The following IMMP2L variants were observed in gnomAD, a reference collection of about 807,000 sequenced individuals.
The protein encoded by IMMP2L is inner mitochondrial membrane peptidase subunit 2.
A neutral mutation model predicts 19.3 loss-of-function variants in IMMP2L; 18 were observed. That is an observed-to-expected ratio of 0.93 (90% CI 0.64 to 1.38). The LOEUF (loss-of-function observed/expected upper bound fraction) is 1.38. IMMP2L is among the 40% of genes most tolerant of loss of function. The pLI, the probability that IMMP2L is intolerant of heterozygous loss-of-function variation, is 0.00. For synonymous variants in IMMP2L, 76 were observed against 73.0 expected (o/e 1.04, Z -0.21); for missense variants, 233 against 218.2 (o/e 1.07, Z -0.43).
chr7:111,057,032 A>T (rs938497818), intron 3 of IMMP2L, among the ~76,000 whole-genome samples: 2 of 152,226 alleles, frequency 1.3e-5, no homozygotes, highest in Admixed American at 1.3e-4. Flanking sequence ...ATTACCTTGG[A>T]AACTTTCATT....
At chr7:111,545,094 A>C (rs1848803717) in intron 1 of IMMP2L, among the ~76,000 whole-genome samples, 1 of 152,116 alleles carries the variant, frequency 6.6e-6, no homozygotes, top group Non-Finnish European at 1.5e-5. Flanking sequence ...AAAGGACAAC[A>C]TATTTTACAA....
chr7:110,813,388 T>C (rs1403567085), intron 5 of IMMP2L, among the ~76,000 whole-genome samples: 1 of 151,922 alleles, frequency 6.6e-6, no homozygotes, highest in Non-Finnish European at 1.5e-5. Flanking sequence ...TAATTGTCTG[T>C]GGGTTAAGAA....
chr7:111,217,998 C>G (rs1225644675), intron 3 of IMMP2L, among the ~76,000 whole-genome samples: 1 of 151,950 alleles, frequency 6.6e-6, no homozygotes, highest in Middle Eastern at 3.2e-3. Flanking sequence ...AAATAATGAG[C>G]TACGGAAAAT....
intron 1 of IMMP2L, among the ~76,000 whole-genome samples, chr7:111,557,499 A>G (rs1372661583): frequency 6.6e-6 from 1 of 152,148 alleles, no homozygotes; most frequent in Non-Finnish European, 1.5e-5. Context: ...TCATGCTGTT[A>G]GCTTTACCTA....
At chr7:111,544,999 A>G (rs572716687) in intron 1 of IMMP2L, among the ~76,000 whole-genome samples, 39 of 152,256 alleles carry the variant, frequency 2.6e-4, no homozygotes, top group Non-Finnish European at 5.1e-4. Flanking sequence ...TGAGAGAAGC[A>G]GAATAAGACA....
In IMMP2L at chr7:111,123,325, G is replaced by C. The variant is rs773818533; in HGVS notation, c.240-159760C>G. Reference sequence around the variant, plus strand: ...GCAGATGATCAACAGTAAGTGGTTTGATGCTCTTCCAAATCTAGAGATTCT... The same window carrying C: ...GCAGATGATCAACAGTAAGTGGTTTCATGCTCTTCCAAATCTAGAGATTCT... On this transcript the variant is annotated intron_variant, in intron 3 of 5. Coordinates refer to ENST00000405709, the MANE Select transcript of IMMP2L (RefSeq NM_032549.4). The surrounding 1 kb of genome is among the most constrained non-coding windows in gnomAD (Gnocchi z 6.4). The C allele has an allele frequency of 6.2e-7, 1 of 1,613,630 alleles. No homozygotes were observed. Among genetic ancestry groups the C allele is most frequent in the Non-Finnish European group, 8.5e-7 (1 of 1,179,920 alleles).
At chr7:111,366,808 A>G (rs1021207145) in intron 3 of IMMP2L, among the ~76,000 whole-genome samples, 6 of 152,014 alleles carry the variant, frequency 3.9e-5, no homozygotes, top group African/African-American at 1.4e-4. Context: ...TTTCATAAAT[A>G]CATTCATTGT....
chr7:111,090,500 A>G (rs1012701421), intron 3 of IMMP2L, among the ~76,000 whole-genome samples: 1 of 152,130 alleles, frequency 6.6e-6, no homozygotes, highest in African/African-American at 2.4e-5. Flanking sequence ...AATTAGAAAT[A>G]CATATTTTTA....
chr7:110,821,304 A>G (rs1042208226), intron 5 of IMMP2L, among the ~76,000 whole-genome samples: 4 of 152,140 alleles, frequency 2.6e-5, no homozygotes, highest in Admixed American at 2.0e-4. Context: ...ATTACACAGC[A>G]CTACAATAAA....
chr7:111,440,527 A>G (rs1040561947), intron 3 of IMMP2L, among the ~76,000 whole-genome samples: 1 of 151,926 alleles, frequency 6.6e-6, no homozygotes, highest in East Asian at 1.9e-4. Context: ...GAATGAGCCT[A>G]AAATATTCCA....
chr7:110,676,168 G>A (rs1792281741), intron 5 of IMMP2L, among the ~76,000 whole-genome samples: 1 of 152,196 alleles, frequency 6.6e-6, no homozygotes, highest in African/African-American at 2.4e-5. Flanking sequence ...TGTTTCTTCT[G>A]TGATGTTATG....
At chr7:111,557,296 G>T (rs1791478321) in intron 1 of IMMP2L, among the ~76,000 whole-genome samples, 1 of 152,052 alleles carries the variant, frequency 6.6e-6, no homozygotes, top group African/African-American at 2.4e-5. Flanking sequence ...CAATTCTTCA[G>T]TGGCTCACTA....
At chr7:111,438,207 T>C (rs1837374437) in intron 3 of IMMP2L, among the ~76,000 whole-genome samples, 1 of 151,874 alleles carries the variant, frequency 6.6e-6, no homozygotes, top group Non-Finnish European at 1.5e-5. Context: ...CCAAAAATAC[T>C]AAATTGTTTA....
intron 5 of IMMP2L, among the ~76,000 whole-genome samples, chr7:110,684,856 C>G (rs1792999292): frequency 6.6e-6 from 1 of 152,050 alleles, no homozygotes. Context: ...CCTGCCCTGC[C>G]TATGGATGAA....
At chr7:110,764,675 G>A (rs1483063642) in intron 5 of IMMP2L, among the ~76,000 whole-genome samples, 2 of 152,140 alleles carry the variant, frequency 1.3e-5, no homozygotes, top group African/African-American at 4.8e-5. Context: ...CCAAATGTAG[G>A]ATAATGAATA....
chr7:110,890,244 T>C, intron 4 of IMMP2L, among the ~76,000 whole-genome samples: 1 of 152,210 alleles, frequency 6.6e-6, no homozygotes, highest in East Asian at 1.9e-4. Context: ...GTGTTCTGCA[T>C]ATTCAAATAT....
intron 3 of IMMP2L, among the ~76,000 whole-genome samples, chr7:111,031,916 C>A (rs1016212676): frequency 6.7e-6 from 1 of 149,408 alleles, no homozygotes; most frequent in African/African-American, 2.5e-5. Context: ...GCCGCTATGA[C>A]CATGAAAAAC....
chr7:111,552,369 C>T (rs1266034161), intron 1 of IMMP2L, among the ~76,000 whole-genome samples: 2 of 152,166 alleles, frequency 1.3e-5, no homozygotes, highest in Non-Finnish European at 2.9e-5. Flanking sequence ...CCCACTGCAA[C>T]TTCCACCTCC....
chr7:110,843,886 G>A (rs919649082), intron 5 of IMMP2L, among the ~76,000 whole-genome samples: 2 of 152,128 alleles, frequency 1.3e-5, no homozygotes, highest in Admixed American at 6.6e-5. Context: ...AGAGAGGGTG[G>A]CCAGGGTGGC....
Sources: gnomAD v4.1 joint callset for allele counts (sites outside exome capture counted in the v4.1 genomes callset) on GRCh38, gnomAD v4.1.1 for gene constraint, Gnocchi (gnomAD v3.1) non-coding constraint, MANE v1.5 for transcripts, NCBI Gene and HGNC (gene_info 2026-07-23, HGNC 2026-07-21) for gene names.